MPZL1: variants seen among roughly 807,000 people sequenced by gnomAD.
MPZL1 encodes the protein myelin protein zero-like protein 1.
In MPZL1, 16 loss-of-function variants were observed where a neutral mutation model predicts 29.3. The observed-to-expected ratio is 0.55, with a 90% CI of 0.37 to 0.83. The LOEUF is 0.83. MPZL1 is among the 40% of genes least tolerant of loss of function. The probability of loss-of-function intolerance (pLI) is 0.00; values close to 1 mark genes in which losing one functional copy is unlikely to be tolerated. For synonymous variants in MPZL1, 143 were observed against 132.0 expected, an observed-to-expected ratio of 1.08 and a Z score of -0.57; for missense variants, 279 against 332.9, an observed-to-expected ratio of 0.84 and a Z score of 1.26.
intron 1 of MPZL1, among the ~76,000 whole-genome samples, chr1:167,751,592 A>T (rs1660757967): frequency 6.6e-6 from 1 of 150,606 alleles, no homozygotes; most frequent in Non-Finnish European, 1.5e-5. Flanking sequence ...AATCGCTTGA[A>T]CCTAGGAGGC....
In MPZL1 at chr1:167,789,154, T is replaced by C. The variant is rs879623636; in HGVS notation, c.*1233T>C. On this transcript the variant is annotated 3_prime_UTR_variant, in exon 6 of 6. Transcript: ENST00000359523. ...ATTAGACAGTTTGGCTGTCCTTCCC[T>C]AAAACTTGTTTTCTCCTATTCACTA... is the stretch of plus-strand genomic sequence containing the variant. 9.8e-5 allele frequency: 15 copies of C among 152,328 alleles called. No individual in the cohort carries two copies. The highest frequency in any genetic ancestry group is 7.2e-4 in the Admixed American group (11 of 15,304). 9.4% of individuals were successfully genotyped at this position (152,328 alleles called of 1,614,324 possible). A position where few individuals can be genotyped will look rare whatever the true frequency, so the allele number is the denominator to read the frequency against.
intron 3 of MPZL1, among the ~76,000 whole-genome samples, chr1:167,772,942 T>C (rs1661282591): frequency 6.6e-6 from 1 of 152,172 alleles, no homozygotes; most frequent in African/African-American, 2.4e-5. Flanking sequence ...TGAGACAAAG[T>C]CTGTTTTGTT....
At chr1:167,738,962 T>G (rs1457999862) in intron 1 of MPZL1, among the ~76,000 whole-genome samples, 2 of 152,016 alleles carry the variant, frequency 1.3e-5, no homozygotes, top group African/African-American at 2.4e-5. Context: ...GGAGTTTTTT[T>G]GAGAGAGGGT....
At chr1:167,739,123 G>T (rs1660447868) in intron 1 of MPZL1, among the ~76,000 whole-genome samples, 1 of 151,246 alleles carries the variant, frequency 6.6e-6, no homozygotes, top group African/African-American at 2.4e-5. Context: ...TGTGTTTTTT[G>T]GTAGAGACAG....
intron 2 of MPZL1, 37 bp downstream of exon 2, chr1:167,765,786 C>T: frequency 1.3e-6 from 2 of 1,530,710 alleles, no homozygotes; most frequent in Non-Finnish European, 1.8e-6. Context: ...AGTCCTGCCT[C>T]ACAGGTTTCT....
chr1:167,752,101 T>G (rs1049446906), intron 1 of MPZL1, among the ~76,000 whole-genome samples: 10 of 152,224 alleles, frequency 6.6e-5, no homozygotes, highest in Non-Finnish European at 1.0e-4. Flanking sequence ...TTTCCTCTAT[T>G]CCAGCCAAAT....
At chr1:167,768,036 A>G (rs984767871) in intron 2 of MPZL1, among the ~76,000 whole-genome samples, 8 of 151,674 alleles carry the variant, frequency 5.3e-5, no homozygotes, top group South Asian at 4.2e-4. Context: ...CTATTGAGCA[A>G]TGTTAACTGT....
At chr1:167,778,523 A>AGGATGGATGGATGGATGGAT (rs10666527) in intron 5 of MPZL1, among the ~76,000 whole-genome samples, 1 of 147,236 alleles carries the variant, frequency 6.8e-6, no homozygotes, top group Non-Finnish European at 1.5e-5. Context: ...GAAGGAAGGA[A>AGGATGGATGGATGGATGGAT]GGATGGATGG....
At chr1:167,760,747 C>CTGTGTGTGTGTGTGTGTGTGTG (rs58963124) in intron 1 of MPZL1, among the ~76,000 whole-genome samples, 1 of 120,108 alleles carries the variant, frequency 8.3e-6, no homozygotes, top group Non-Finnish European at 1.8e-5. Context: ...GTTGAATAGG[C>CTGTGTGTGTGTGTGTGTGTGTG]TGTGTGTGTG....
intron 4 of MPZL1, 126 bp from the exon 5 acceptor site, chr1:167,775,936 TTA>T: frequency 1.9e-6 from 1 of 523,632 alleles, no homozygotes. Flanking sequence ...ACACCCATTG[TTA>T]TGTTGTCTTT....
At chr1:167,749,118 G>A (rs1193965208) in intron 1 of MPZL1, among the ~76,000 whole-genome samples, 1 of 152,168 alleles carries the variant, frequency 6.6e-6, no homozygotes, top group African/African-American at 2.4e-5. Flanking sequence ...AGTCCTTTGG[G>A]TAGAATGACC....
chr1:167,775,848 C>T (rs750511338), intron 4 of MPZL1, among the ~76,000 whole-genome samples: 6 of 152,160 alleles, frequency 3.9e-5, no homozygotes, highest in Non-Finnish European at 8.8e-5. Flanking sequence ...GTGCCTCCCC[C>T]AGTGATGAGT....
chr1:167,755,736 C>T (rs1660856568), intron 1 of MPZL1, among the ~76,000 whole-genome samples: 1 of 152,198 alleles, frequency 6.6e-6, no homozygotes, highest in African/African-American at 2.4e-5. Context: ...GGAAAGTCTC[C>T]TAATAGCACT....
chr1:167,739,282 C>CATATATATATATATATATATATATATAT (rs71959233), intron 1 of MPZL1, among the ~76,000 whole-genome samples: 3 of 90,434 alleles, frequency 3.3e-5, no homozygotes, highest in African/African-American at 6.3e-5. Context: ...TACATATATA[C>CATATATATATATATATATATATATATAT]ATATATATAT....
intron 5 of MPZL1, among the ~76,000 whole-genome samples, chr1:167,781,785 G>T (rs996268673): frequency 6.6e-6 from 1 of 151,956 alleles, no homozygotes; most frequent in Admixed American, 6.6e-5. Flanking sequence ...CTTCTCTCTG[G>T]CTGCTTTTCG....
chr1:167,728,065 G>A (rs9728601), intron 1 of MPZL1, among the ~76,000 whole-genome samples: 7,157 of 137,726 alleles, frequency 0.052, 614 homozygotes, highest in African/African-American at 0.18. Context: ...CTGAGGCAGA[G>A]TTTCACTCCT....
chr1:167,747,894 T>C (rs1382808003), intron 1 of MPZL1, among the ~76,000 whole-genome samples: 1 of 152,222 alleles, frequency 6.6e-6, no homozygotes, highest in Non-Finnish European at 1.5e-5. Context: ...AGAAACCTTA[T>C]ATCCATTAGG....
chr1:167,723,124 C>CA (rs1193713829), intron 1 of MPZL1, among the ~76,000 whole-genome samples: 1 of 152,186 alleles, frequency 6.6e-6, no homozygotes, highest in Non-Finnish European at 1.5e-5. Context: ...TTGTTCAAAG[C>CA]AAAGTACTTG....
At chr1:167,767,608 T>A (rs181298726) in intron 2 of MPZL1, among the ~76,000 whole-genome samples, 226 of 152,334 alleles carry the variant, frequency 1.5e-3, no homozygotes, top group Non-Finnish European at 2.8e-3. Context: ...AATTCCAAAA[T>A]GTCGGGACAC....
Sources: allele counts gnomAD v4.1 joint callset (sites outside exome capture counted in the v4.1 genomes callset), GRCh38; gene constraint gnomAD v4.1.1; transcripts MANE v1.5; gene names NCBI Gene and HGNC (gene_info 2026-07-23, HGNC 2026-07-21).